The following GABRA5 variants were observed in gnomAD, a reference collection of about 807,000 sequenced individuals.
The protein encoded by GABRA5 is gamma-aminobutyric acid type A receptor subunit alpha5.
A neutral mutation model predicts 47.3 loss-of-function variants in GABRA5; 18 were observed. The ratio of observed to expected loss-of-function variants is 0.38; its 90% CI spans 0.26 to 0.56. The LOEUF is 0.56. Among genes scored for constraint, GABRA5 ranks in the 20% least tolerant of loss-of-function variants. The probability of loss-of-function intolerance (pLI) is 0.71; values close to 1 mark genes in which losing one functional copy is unlikely to be tolerated. For missense variants in GABRA5, 365 were observed against 599.3 expected (o/e 0.61, Z 4.08); for synonymous variants, 237 against 229.3 (o/e 1.03, Z -0.30).
intron 6 of GABRA5, among the ~76,000 whole-genome samples, chr15:26,912,728 T>C (rs1364531545): frequency 6.6e-6 from 1 of 152,216 alleles, no homozygotes; most frequent in Non-Finnish European, 1.5e-5. Flanking sequence ...TGTTCTAGTG[T>C]TAGGTATAAA....
chr15:26,939,961 A>G lies in GABRA5; in HGVS notation c.761A>G (p.Lys254Arg). Residue 254 changes from lysine (K) to arginine (R), a missense_variant, in exon 9 of 11, where the codon AAA becomes AGA. Physicochemically the swap from Lys to Arg is conservative, Grantham distance 26. Transcript: ENST00000335625. ...YTIMTAHFHLKRKIGYFVIQT... is the reference protein window; with the variant it reads ...YTIMTAHFHLRRKIGYFVIQT... ...ATCATGACAGCTCACTTCCACCTGA[A>G]AAGGAAGATTGGCTACTTTGTCATC... The G allele has an allele frequency of 6.2e-7, 1 of 1,613,998 alleles. No homozygotes were observed. The highest frequency in any genetic ancestry group is 8.5e-7 in the Non-Finnish European group (1 of 1,179,894).
intron 6 of GABRA5, among the ~76,000 whole-genome samples, chr15:26,901,928 T>C (rs1387824842): frequency 1.3e-5 from 2 of 152,110 alleles, no homozygotes; most frequent in African/African-American, 4.8e-5. Flanking sequence ...GTCTGTGGTC[T>C]TTTGCTCCTT....
chr15:26,869,286 A>G lies in GABRA5; in HGVS notation c.38A>G (p.Lys13Arg), dbSNP rs771307507. 7.5e-6 allele frequency: 12 copies of G among 1,609,662 alleles called. No homozygotes were observed. Among genetic ancestry groups the G allele is most frequent in the Middle Eastern group, 1.6e-4 (1 of 6,076 alleles). The change falls in exon 3 of 11, where the codon AAA becomes AGA. Residue 13 changes from lysine (K) to arginine (R), a missense_variant. Lys to Arg is a conservative substitution (Grantham distance 26). This residue lies in a region of GABRA5 where 216 missense variants were observed against 335.3 expected (regional missense o/e 0.64). Coordinates refer to ENST00000335625, the MANE Select transcript of GABRA5 (RefSeq NM_000810.4). ...NGMFSGFIMI[K>R]NLLLFCISMN... is the part of the protein sequence containing the mutation. Reference sequence around the variant, plus strand: ...ATGTTCTCTGGTTTTATCATGATCAAAAACCTCCTTCTCTTTTGTATTTCC... The same window carrying G: ...ATGTTCTCTGGTTTTATCATGATCAGAAACCTCCTTCTCTTTTGTATTTCC...
At chr15:26,929,714 G>C (rs1019680588) in intron 7 of GABRA5, among the ~76,000 whole-genome samples, 2 of 152,182 alleles carry the variant, frequency 1.3e-5, no homozygotes, top group African/African-American at 2.4e-5. Flanking sequence ...GTGCTGGAGA[G>C]CAGGGAGCAG....
intron 7 of GABRA5, among the ~76,000 whole-genome samples, chr15:26,933,170 A>C (rs919452818): frequency 1.3e-5 from 2 of 152,008 alleles, no homozygotes; most frequent in African/African-American, 4.8e-5. Context: ...TGCAAAAATC[A>C]CTATTTGTGG....
intron 9 of GABRA5, among the ~76,000 whole-genome samples, chr15:26,940,343 C>T (rs1331236068): frequency 6.6e-6 from 1 of 152,156 alleles, no homozygotes; most frequent in Non-Finnish European, 1.5e-5. Context: ...TTGACATTGC[C>T]AGCATGTATC....
At chr15:26,911,042 G>T (rs185416660) in intron 6 of GABRA5, among the ~76,000 whole-genome samples, 44 of 152,260 alleles carry the variant, frequency 2.9e-4, no homozygotes, top group Non-Finnish European at 1.5e-5. Flanking sequence ...TGTTTAGAGG[G>T]ATCGAAAATT....
intron 6 of GABRA5, among the ~76,000 whole-genome samples, chr15:26,913,718 T>C (rs1382611372): frequency 6.6e-6 from 1 of 152,182 alleles, no homozygotes; most frequent in African/African-American, 2.4e-5. Context: ...GAAGATGGGC[T>C]CATTAATAAA....
At chr15:26,915,071 C>A (rs1893688918) in intron 7 of GABRA5, among the ~76,000 whole-genome samples, 186 bp downstream of exon 7, 1 of 152,226 alleles carries the variant, frequency 6.6e-6, no homozygotes, top group African/African-American at 2.4e-5. Flanking sequence ...TCATTAACAC[C>A]TGCCATACAT....
rs375315395 is a variant in GABRA5 at position 26,883,179 on chromosome 15, G to A, written c.222G>A (p.Gln74=). 1.1e-4 allele frequency: 180 copies of A among 1,613,894 alleles called. No homozygotes were observed. The African/African-American group carries it at 1.6e-3, about 14-fold the overall frequency. The stretch of plus-strand genomic sequence containing the variant: ...TCTGTCTTTCAGAGCGCATCACTCA[G>A]GTGAGGACCGACATCTACGTCACCA... The part of the protein sequence containing the change: ...LRPGLGERIT[Q]VRTDIYVTSF... The change falls in exon 5 of 11, where the codon CAG becomes CAA. Residue 74 remains glutamine, a synonymous_variant. Transcript: ENST00000335625. The surrounding 1 kb of genome is among the most constrained non-coding windows in gnomAD (Gnocchi z 4.8).
In GABRA5 at chr15:26,872,659, T is replaced by G. The variant is rs552664221; in HGVS notation, c.86+3325T>G. On this transcript the variant is annotated intron_variant, in intron 3 of 10. Coordinates refer to ENST00000335625, the MANE Select transcript of GABRA5 (RefSeq NM_000810.4). Reference sequence around the variant, plus strand: ...AAAGGAGAAGCATCAAAGGGTTTAATTTGAACCTGATTCTAGGACAAGAGA... The same window carrying G: ...AAAGGAGAAGCATCAAAGGGTTTAAGTTGAACCTGATTCTAGGACAAGAGA... Among the ~76,000 whole-genome samples the G allele has an allele frequency of 2.0e-5, 3 of 152,278 alleles. No homozygotes were observed. In the East Asian group the frequency reaches 5.8e-4, roughly 29 times the overall value.
rs369615702 is a variant in GABRA5, at chr15:26,948,266, A to G, written c.*33A>G. 4.4e-6 allele frequency: 7 copies of G among 1,594,064 alleles called. No homozygotes were observed. Among genetic ancestry groups the G allele is most frequent in the African/African-American group, 2.7e-5 (2 of 74,278 alleles). On this transcript the variant is annotated 3_prime_UTR_variant, in exon 11 of 11. Transcript: ENST00000335625. ...CACTCCCAAACTCCAAGACAGCCAT[A>G]CTTCCAGCGAAATGGTACCAAGGAG...
At chr15:26,880,717 G>T (rs1892708378) in intron 3 of GABRA5, 129 bp from the exon 4 acceptor site, 2 of 863,714 alleles carry the variant, frequency 2.3e-6, no homozygotes, top group Non-Finnish European at 1.8e-6. Context: ...TAGGCACTAT[G>T]GGAGCTGTGT....
intron 6 of GABRA5, among the ~76,000 whole-genome samples, chr15:26,885,103 T>A (rs1192290713): frequency 2.0e-5 from 3 of 152,050 alleles, no homozygotes; most frequent in Non-Finnish European, 2.9e-5. Context: ...GAGACCATCC[T>A]GGCTAACTTG....
chr15:26,892,970 C>T (rs1019448238), intron 6 of GABRA5, among the ~76,000 whole-genome samples: 4 of 141,114 alleles, frequency 2.8e-5, no homozygotes, highest in Middle Eastern at 4.7e-3. Context: ...GTGTGGTGCG[C>T]GTGGGGGGTG....
At chr15:26,877,131 G>C (rs1892618892) in intron 3 of GABRA5, among the ~76,000 whole-genome samples, 1 of 152,216 alleles carries the variant, frequency 6.6e-6, no homozygotes, top group South Asian at 2.1e-4. Flanking sequence ...ATATCGGAGA[G>C]TTCTAGCATG....
At chr15:26,925,972 G>A (rs536167793) in intron 7 of GABRA5, among the ~76,000 whole-genome samples, 1 of 152,310 alleles carries the variant, frequency 6.6e-6, no homozygotes, top group African/African-American at 2.4e-5. Context: ...GAGAGATGAT[G>A]TACATCTGTA....
chr15:26,880,237 C>CCA (rs1439590512), intron 3 of GABRA5, among the ~76,000 whole-genome samples: 1 of 152,118 alleles, frequency 6.6e-6, no homozygotes, highest in African/African-American at 2.4e-5. Context: ...ACGCTGGGTC[C>CCA]CACAGAATGT....
At chr15:26,939,237 C>T (rs993395686) in intron 8 of GABRA5, 1 of 765,280 alleles carries the variant, frequency 1.3e-6, no homozygotes, top group Non-Finnish European at 2.4e-6. Context: ...AGCTCCTTAC[C>T]AGTTCACCGT....
Sources: allele counts gnomAD v4.1 joint callset (sites outside exome capture counted in the v4.1 genomes callset), GRCh38; gene constraint gnomAD v4.1.1; regional missense constraint gnomAD v4.1.1; non-coding constraint Gnocchi (gnomAD v3.1); transcripts MANE v1.5; gene names NCBI Gene and HGNC (gene_info 2026-07-23, HGNC 2026-07-21).